Variants in LDAF1 observed in about 807,000 individuals in gnomAD.
The protein encoded by LDAF1 is PROMETHIN.
A neutral mutation model predicts 13.5 loss-of-function variants in LDAF1; 7 were observed. That is an observed-to-expected ratio of 0.52 (90% confidence interval 0.29 to 0.97). The LOEUF is 0.97. Among genes scored for constraint, LDAF1 ranks in the 50% least tolerant of loss-of-function variants. The pLI, the probability that LDAF1 is intolerant of heterozygous loss-of-function variation, is 0.07. For missense variants in LDAF1, 148 were observed against 193.2 expected, an observed-to-expected ratio of 0.77 and a Z score of 1.39; for synonymous variants, 69 against 77.1, an observed-to-expected ratio of 0.89 and a Z score of 0.55.
intron 3 of LDAF1, among the ~76,000 whole-genome samples, chr16:21,172,148 T>TAAA (rs769536016): frequency 2.3e-5 from 3 of 132,904 alleles, no homozygotes; most frequent in Admixed American, 7.7e-5. Flanking sequence ...TCCATCTCTT[T>TAAA]AAAAAAAAAA....
intron 1 of LDAF1, chr16:21,159,783 C>T (rs1257828771): frequency 2.7e-6 from 1 of 365,578 alleles, no homozygotes; most frequent in Non-Finnish European, 3.8e-6. Context: ...CATCGGACTC[C>T]CCAAACCGGT....
chr16:21,172,292 A>G (rs1240137552), intron 3 of LDAF1, among the ~76,000 whole-genome samples: 1 of 151,830 alleles, frequency 6.6e-6, no homozygotes, highest in African/African-American at 2.4e-5. Context: ...CTAAAAATAC[A>G]AAAAATTAGC....
chr16:21,176,146 CA>C (rs1231619131), intron 4 of LDAF1, among the ~76,000 whole-genome samples: 1 of 152,188 alleles, frequency 6.6e-6, no homozygotes, highest in African/African-American at 2.4e-5. Context: ...GCTGCTGTAA[CA>C]GGGTGAGTTC....
intron 2 of LDAF1, chr16:21,169,183 G>C (rs1338834249): frequency 1.0e-6 from 1 of 984,726 alleles, no homozygotes; most frequent in East Asian, 1.1e-4. Flanking sequence ...CTTGGAGGCT[G>C]TGCGACTCTA....
intron 3 of LDAF1, among the ~76,000 whole-genome samples, chr16:21,171,882 C>T (rs1243263605): frequency 6.6e-6 from 1 of 151,872 alleles, no homozygotes; most frequent in African/African-American, 2.4e-5. Flanking sequence ...GGATTACAGG[C>T]ATGCCCCACC....
rs556518158 is a variant in LDAF1, at chr16:21,174,275, A to G, written c.404+127A>G. ...CATGAACATAGCTCGCTACAGCCTC[A>G]ACCTCCAAGGCTCAAGCAGTTCTCC... is the stretch of plus-strand genomic sequence containing the variant. On this transcript the variant is annotated intron_variant, in intron 4 of 4. Coordinates refer to ENST00000233047, the MANE Select transcript of LDAF1 (RefSeq NM_001301771.2). The G allele has an allele frequency of 2.1e-4, 177 of 842,778 alleles. 3 individuals carry two copies. In the South Asian group the frequency reaches 3.2e-3, roughly 15 times the overall value. 52.2% of individuals were successfully genotyped at this position (842,778 alleles called of 1,614,324 possible). A position where few individuals can be genotyped will look rare whatever the true frequency, so the allele number is the denominator to read the frequency against.
chr16:21,169,100 C>T, intron 2 of LDAF1: 1 of 845,198 alleles, frequency 1.2e-6, no homozygotes, highest in Non-Finnish European at 1.4e-6. Flanking sequence ...TTTAATAATG[C>T]TTTTAATAAT....
intron 2 of LDAF1, among the ~76,000 whole-genome samples, chr16:21,168,784 T>G (rs2093053257): frequency 7.5e-6 from 1 of 132,472 alleles, no homozygotes; most frequent in South Asian, 2.2e-4. Context: ...ATATTTATAT[T>G]TTTATAAATA....
chr16:21,162,143 G>A lies in LDAF1; in HGVS notation c.96+865G>A, dbSNP rs542584496. On this transcript the variant is annotated intron_variant, in intron 2 of 4. Transcript: ENST00000233047. ...CGCACTCCAGCCTGGGCGACAGAGC[G>A]AGATTCCGTCTCCAAAAAAAAAAAA... Among the ~76,000 whole-genome samples the A allele has an allele frequency of 5.8e-3, 876 of 151,548 alleles. 7 individuals carry two copies. The highest frequency in any genetic ancestry group is 9.4e-3 in the Non-Finnish European group (639 of 67,954).
At chr16:21,166,797 T>C (rs1423934397) in intron 2 of LDAF1, 2 of 1,512,630 alleles carry the variant, frequency 1.3e-6, no homozygotes, top group Admixed American at 3.9e-5. Context: ...CCACATTCTG[T>C]GTGGTGACTC....
intron 4 of LDAF1, among the ~76,000 whole-genome samples, chr16:21,175,737 C>G (rs1333523660): frequency 6.6e-6 from 1 of 152,104 alleles, no homozygotes; most frequent in Non-Finnish European, 1.5e-5. Context: ...CCCTTGAACT[C>G]CTTACCAAAA....
chr16:21,161,720 T>C (rs919114370), intron 2 of LDAF1, among the ~76,000 whole-genome samples: 4 of 152,186 alleles, frequency 2.6e-5, no homozygotes, highest in African/African-American at 9.6e-5. Flanking sequence ...TCTGTTACCC[T>C]GAAAATGAGA....
chr16:21,169,309 T>A, intron 2 of LDAF1: 1 of 249,346 alleles, frequency 4.0e-6, no homozygotes, highest in Non-Finnish European at 6.4e-6. Flanking sequence ...ATTTCCTTTT[T>A]TTTTCCCCTT....
intron 2 of LDAF1, chr16:21,169,342 C>A: frequency 5.8e-6 from 1 of 172,954 alleles, no homozygotes; most frequent in Non-Finnish European, 1.1e-5. Flanking sequence ...AGATCTCCCT[C>A]TGTTGCCCAG....
intron 2 of LDAF1, among the ~76,000 whole-genome samples, chr16:21,168,344 C>T (rs969207504): frequency 2.6e-5 from 4 of 151,908 alleles, no homozygotes; most frequent in African/African-American, 7.3e-5. Flanking sequence ...GAGATTTTGC[C>T]ACTTGGAGGC....
chr16:21,170,401 G>GTT (rs1165878216), intron 2 of LDAF1, 36 bp from the exon 3 acceptor site: 1 of 1,611,992 alleles, frequency 6.2e-7, no homozygotes, highest in Non-Finnish European at 8.5e-7. Flanking sequence ...GTTCCGATGT[G>GTT]TTACTTATCC....
At position 21,173,772 on chromosome 16, in the gene LDAF1, T is replaced by C. The variant is rs555333267; in HGVS notation, c.266-238T>C. On this transcript the variant is annotated intron_variant, in intron 3 of 4. Transcript: ENST00000233047. The stretch of plus-strand genomic sequence containing the variant: ...GCCCATGTGTGATGCAGTTTGGGAA[T>C]TGGGGGGACTGGAGGCAACGGGAGG... Among the ~76,000 whole-genome samples, 62 of 151,756 alleles carry C rather than the reference T, an allele frequency of 4.1e-4. 1 individual carries two copies. Among genetic ancestry groups the C allele is most frequent in the African/African-American group, 1.4e-3 (57 of 41,392 alleles).
rs1300925172 is a variant in LDAF1 at position 21,167,168 on chromosome 16, T to C, written c.97-3269T>C. Among the ~76,000 whole-genome samples, 6 of 152,368 alleles carry C rather than the reference T, an allele frequency of 3.9e-5. No homozygotes were observed. In the East Asian group the frequency reaches 7.7e-4, roughly 20 times the overall value. ...AGGGTGCAGCTTGCACTTTAGTTCCTTCAGCATGAACCACAAACCCCTCCT... is the reference window on the plus strand; with the variant it reads ...AGGGTGCAGCTTGCACTTTAGTTCCCTCAGCATGAACCACAAACCCCTCCT... On this transcript the variant is annotated intron_variant, in intron 2 of 4. Coordinates refer to ENST00000233047, the MANE Select transcript of LDAF1 (RefSeq NM_001301771.2).
At chr16:21,166,362 C>G (rs376152961) in intron 2 of LDAF1, among the ~76,000 whole-genome samples, 1 of 151,946 alleles carries the variant, frequency 6.6e-6, no homozygotes, top group Admixed American at 6.6e-5. Context: ...TACAATTCAG[C>G]GAAATAGATT....
Sources: gnomAD v4.1 joint callset for allele counts (sites outside exome capture counted in the v4.1 genomes callset) on GRCh38, gnomAD v4.1.1 for gene constraint, MANE v1.5 for transcripts, NCBI Gene and HGNC (gene_info 2026-07-23, HGNC 2026-07-21) for gene names.